The following PDE3A variants were observed in gnomAD, a reference collection of about 807,000 sequenced individuals.
PDE3A encodes phosphodiesterase 3A.
In PDE3A, 43 loss-of-function variants were observed where a neutral mutation model predicts 98.3. The ratio of observed to expected loss-of-function variants is 0.44; its 90% CI spans 0.34 to 0.56. The LOEUF (loss-of-function observed/expected upper bound fraction) is 0.56. Ranked by LOEUF, PDE3A falls within the 20% of genes least tolerant of loss-of-function variation. The pLI is 0.01. For missense variants in PDE3A, 1,427 were observed against 1,440.7 expected, an observed-to-expected ratio of 0.99 and a Z score of 0.15; for synonymous variants, 663 against 567.9, an observed-to-expected ratio of 1.17 and a Z score of -2.38.
At chr12:20,624,628 G>A (rs1944215185) in intron 5 of PDE3A, among the ~76,000 whole-genome samples, 1 of 152,126 alleles carries the variant, frequency 6.6e-6, no homozygotes, top group African/African-American at 2.4e-5. Context: ...GGCATCTTTA[G>A]ACAGCTGTCA....
chr12:20,678,643 T>G (rs1456503700), intron 15 of PDE3A, among the ~76,000 whole-genome samples: 1 of 152,264 alleles, frequency 6.6e-6, no homozygotes, highest in Non-Finnish European at 1.5e-5. Context: ...AGCCTTGCTT[T>G]CTTCATGAAG....
chr12:20,635,202 C>T lies in PDE3A; in HGVS notation c.2001+146C>T, dbSNP rs183100718. 9.5e-4 allele frequency: 625 copies of T among 659,192 alleles called. 2 individuals carry two copies. Among genetic ancestry groups the T allele is most frequent in the African/African-American group, 7.0e-3 (385 of 55,190 alleles). The allele number at this position is 659,192 out of a possible 1,614,324, so 40.8% of individuals were successfully genotyped here. ...TTGGGAGGACGAAGCGGGCAGATCA[C>T]GAGGTCAGGAGTTCGAGACCAGCCT... On this transcript the variant is annotated intron_variant, in intron 8 of 15. Coordinates refer to ENST00000359062, the MANE Select transcript of PDE3A (RefSeq NM_000921.5).
chr12:20,574,401 C>A (rs1942877572), intron 2 of PDE3A, among the ~76,000 whole-genome samples: 2 of 152,020 alleles, frequency 1.3e-5, no homozygotes, highest in Admixed American at 6.6e-5. Context: ...AATTCCAAGT[C>A]CACCACTGAA....
At position 20,467,306 on chromosome 12, in the gene PDE3A, CT is replaced by C. The variant is rs916903953; in HGVS notation, c.961-89345del. Among the ~76,000 whole-genome samples the C allele has an allele frequency of 1.6e-3, 196 of 126,320 alleles. 1 individual carries two copies. Among genetic ancestry groups the C allele is most frequent in the African/African-American group, 5.4e-3 (186 of 34,360 alleles). 82.9% of individuals were successfully genotyped at this position (126,320 alleles called of 152,430 possible). A position where few individuals can be genotyped will look rare whatever the true frequency, so the allele number is the denominator to read the frequency against. ...AAAGAAAATAAAAGGAATGATGATG[CT>C]TTTTTTTTGTTTGTATATCTAGGAA... On this transcript the variant is annotated intron_variant, in intron 1 of 15. Coordinates refer to ENST00000359062, the MANE Select transcript of PDE3A (RefSeq NM_000921.5).
intron 1 of PDE3A, among the ~76,000 whole-genome samples, chr12:20,374,019 G>A (rs780525254): frequency 6.6e-6 from 1 of 152,018 alleles, no homozygotes; most frequent in African/African-American, 2.4e-5. Flanking sequence ...AAATAATCAC[G>A]GACTTTTAAT....
intron 10 of PDE3A, among the ~76,000 whole-genome samples, chr12:20,641,902 T>C (rs572491112): frequency 4.6e-4 from 70 of 152,222 alleles, no homozygotes; most frequent in Non-Finnish European, 6.8e-4. Flanking sequence ...TTACATCTTC[T>C]CATAGGAAAG....
chr12:20,654,101 T>G lies in PDE3A; in HGVS notation c.3080T>G (p.Val1027Gly), dbSNP rs1378269406. Residue 1027 changes from valine (V) to glycine (G), a missense_variant, in exon 15 of 16, where the codon GTG (valine) becomes GGG (glycine). This residue lies in a region of PDE3A where 142 missense variants were observed against 133.9 expected (regional missense o/e 1.06). Coordinates refer to ENST00000359062, the MANE Select transcript of PDE3A (RefSeq NM_000921.5). ...DSAGLMPGKW[V>G]EDSDESGDTD... ...GCAGGACTAATGCCTGGAAAATGGG[T>G]GGAAGACAGCGATGAGTCAGGAGAT... is the stretch of plus-strand genomic sequence containing the variant. 1.2e-6 allele frequency: 2 copies of G among 1,614,010 alleles called. No individual in the cohort carries two copies. The highest frequency in any genetic ancestry group is 3.3e-5 in the Admixed American group (2 of 60,010).
At chr12:20,448,927 T>A (rs1452988919) in intron 1 of PDE3A, among the ~76,000 whole-genome samples, 1 of 152,166 alleles carries the variant, frequency 6.6e-6, no homozygotes, top group African/African-American at 2.4e-5. Context: ...GAGGTCTTGT[T>A]ACAAAAGATT....
chr12:20,585,897 A>G (rs772458766), intron 2 of PDE3A, among the ~76,000 whole-genome samples: 1 of 152,172 alleles, frequency 6.6e-6, no homozygotes, highest in Non-Finnish European at 1.5e-5. Flanking sequence ...TGAACACTCA[A>G]TACTATGCTA....
intron 15 of PDE3A, among the ~76,000 whole-genome samples, chr12:20,664,374 C>A (rs891513633): frequency 1.3e-5 from 2 of 152,116 alleles, no homozygotes; most frequent in East Asian, 1.9e-4. Flanking sequence ...ATTCTGGTTG[C>A]TTGGAAAAGA....
intron 1 of PDE3A, among the ~76,000 whole-genome samples, chr12:20,427,556 C>T (rs1362021072): frequency 6.6e-6 from 1 of 152,042 alleles, no homozygotes; most frequent in Admixed American, 6.6e-5. Context: ...ATCAGCCATT[C>T]TGTATGAATA....
chr12:20,553,373 C>T (rs1942270384), intron 1 of PDE3A, among the ~76,000 whole-genome samples: 1 of 111,616 alleles, frequency 9.0e-6, no homozygotes, highest in Non-Finnish European at 1.8e-5. Flanking sequence ...CTGCCACCAA[C>T]TCTTTAAGAA....
chr12:20,548,503 T>C (rs976197440), intron 1 of PDE3A, among the ~76,000 whole-genome samples: 4 of 152,110 alleles, frequency 2.6e-5, no homozygotes, highest in South Asian at 2.1e-4. Context: ...ATATTTAAAC[T>C]TACTTTTATT....
intron 1 of PDE3A, among the ~76,000 whole-genome samples, chr12:20,493,471 T>C (rs1410912959): frequency 6.6e-6 from 1 of 152,246 alleles, no homozygotes; most frequent in African/African-American, 2.4e-5. Flanking sequence ...GTATAGGTTA[T>C]GTGCACATAC....
chr12:20,484,770 G>T (rs2121019542), intron 1 of PDE3A, among the ~76,000 whole-genome samples: 1 of 152,254 alleles, frequency 6.6e-6, no homozygotes, highest in African/African-American at 2.4e-5. Flanking sequence ...GATGTTAAGG[G>T]AACATAACTA....
chr12:20,391,344 A>G (rs1943909769), intron 1 of PDE3A, among the ~76,000 whole-genome samples: 1 of 146,860 alleles, frequency 6.8e-6, no homozygotes, highest in Non-Finnish European at 1.5e-5. Flanking sequence ...GTGTATGTAT[A>G]CATATATATA....
At chr12:20,517,002 C>A (rs944530547) in intron 1 of PDE3A, among the ~76,000 whole-genome samples, 11 of 152,124 alleles carry the variant, frequency 7.2e-5, no homozygotes, top group African/African-American at 2.2e-4. Flanking sequence ...AAAAAGAGCC[C>A]CAGGAGAGCA....
At chr12:20,381,037 G>A (rs1452455681) in intron 1 of PDE3A, among the ~76,000 whole-genome samples, 2 of 151,682 alleles carry the variant, frequency 1.3e-5, no homozygotes, top group African/African-American at 4.8e-5. Flanking sequence ...TAGGTAAGTA[G>A]GATCCAAATA....
intron 1 of PDE3A, among the ~76,000 whole-genome samples, chr12:20,555,173 A>T (rs899740494): frequency 6.6e-6 from 1 of 151,988 alleles, no homozygotes; most frequent in Non-Finnish European, 1.5e-5. Context: ...ACAGGTGCAC[A>T]CTACCACGCC....
Sources: allele counts gnomAD v4.1 joint callset (sites outside exome capture counted in the v4.1 genomes callset), GRCh38; gene constraint gnomAD v4.1.1; regional missense constraint gnomAD v4.1.1; transcripts MANE v1.5; gene names NCBI Gene and HGNC (gene_info 2026-07-23, HGNC 2026-07-21).